Variants in ADD3 observed in about 807,000 individuals in gnomAD.
The protein encoded by ADD3 is adducin 3, also known as gamma-adducin.
In ADD3, 25 loss-of-function variants were observed where a neutral mutation model predicts 80.2. The observed-to-expected ratio is 0.31, with a 90% CI of 0.23 to 0.44. ADD3 has a LOEUF of 0.44. ADD3 is among the 20% of genes least tolerant of loss of function. The probability of loss-of-function intolerance (pLI) is 1.00; values close to 1 mark genes in which losing one functional copy is unlikely to be tolerated. For synonymous variants in ADD3, 284 were observed against 289.6 expected (o/e 0.98, Z 0.20); for missense variants, 829 against 847.5 (o/e 0.98, Z 0.27).
intron 2 of ADD3, among the ~76,000 whole-genome samples, chr10:110,103,245 A>G (rs1849038351): frequency 6.6e-6 from 1 of 152,248 alleles, no homozygotes; most frequent in Non-Finnish European, 1.5e-5. Context: ...CTACTGCTGA[A>G]TAACAAATTA....
At chr10:110,007,489 C>T (rs990822661), upstream of ADD3, among the ~76,000 whole-genome samples, 2 of 152,226 alleles carry the variant, frequency 1.3e-5, no homozygotes, top group African/African-American at 4.8e-5. Context: ...GAGTAGGGGG[C>T]TCGCTCATTT....
At chr10:110,037,761 C>T (rs1015031996) in intron 1 of ADD3, among the ~76,000 whole-genome samples, 1 of 151,836 alleles carries the variant, frequency 6.6e-6, no homozygotes, top group Non-Finnish European at 1.5e-5. Context: ...ACAGCATAAA[C>T]TCATAAGATA....
chr10:110,089,447 T>A (rs1327792182), intron 1 of ADD3, among the ~76,000 whole-genome samples: 1 of 152,138 alleles, frequency 6.6e-6, no homozygotes, highest in Non-Finnish European at 1.5e-5. Context: ...TCTGTCAGCT[T>A]TCTCTAAGGA....
chr10:110,065,928 T>C (rs1208063358), intron 1 of ADD3, among the ~76,000 whole-genome samples: 2 of 152,140 alleles, frequency 1.3e-5, no homozygotes, highest in Non-Finnish European at 2.9e-5. Context: ...TTTAGTTTAC[T>C]CTCTTGGGTC....
At chr10:110,062,887 TTAGGACAAGATTGGA>T (rs1400452859) in intron 1 of ADD3, among the ~76,000 whole-genome samples, 21 of 152,178 alleles carry the variant, frequency 1.4e-4, no homozygotes, top group Non-Finnish European at 2.6e-4. Context: ...GAAAATTCTC[TTAGGACAAGATTGGA>T]TAGGGCAAGA....
chr10:110,071,802 C>T (rs1237783962), intron 1 of ADD3, among the ~76,000 whole-genome samples: 1 of 152,146 alleles, frequency 6.6e-6, no homozygotes, highest in Non-Finnish European at 1.5e-5. Context: ...GGGATCATGC[C>T]TAATCTTTAG....
chr10:110,119,289 C>A lies in ADD3; in HGVS notation c.796C>A (p.Gln266Lys). 6.2e-7 allele frequency: 1 copy of A among 1,614,046 alleles called. No individual in the cohort carries two copies. The highest frequency in any genetic ancestry group is 1.1e-5 in the South Asian group (1 of 91,078). The stretch of plus-strand genomic sequence containing the variant: ...GGGAGATGTTGCCTATTATGACTAC[C>A]AAGGGTCACTTGAAGAACAGGAGGA... ...LLGDVAYYDYQGSLEEQEERI... is the reference protein window; with the variant it reads ...LLGDVAYYDYKGSLEEQEERI... Residue 266 changes from glutamine to lysine, a missense_variant, in exon 7 of 15, where the codon CAA (glutamine) becomes AAA (lysine). Physicochemically the swap from Gln to Lys is moderately conservative, Grantham distance 53 (BLOSUM62 1). Coordinates refer to ENST00000356080, the MANE Select transcript of ADD3 (RefSeq NM_016824.5).
At chr10:110,035,019 G>A (rs1209912054) in intron 1 of ADD3, among the ~76,000 whole-genome samples, 5 of 152,136 alleles carry the variant, frequency 3.3e-5, no homozygotes, top group Non-Finnish European at 5.9e-5. Flanking sequence ...CAAATCATGA[G>A]ACAATTTTTT....
rs572948717 is a variant in ADD3 at position 110,036,466 on chromosome 10, G to A, written c.-30+28167G>A. Among the ~76,000 whole-genome samples the A allele has an allele frequency of 2.0e-4, 27 of 136,222 alleles. 1 individual carries two copies. Among genetic ancestry groups the A allele is most frequent in the South Asian group, 1.6e-3 (6 of 3,742 alleles). The allele number at this position is 136,222 out of a possible 152,430, so 89.4% of individuals were successfully genotyped here. On this transcript the variant is annotated intron_variant, in intron 1 of 14. Coordinates refer to ENST00000356080, the MANE Select transcript of ADD3 (RefSeq NM_016824.5). ...GTGGTCTCAGCTCACTGCAAGCCCC[G>A]CTTCCCAGGTTCATGCCATTCTCCT...
At chr10:110,077,933 G>A (rs1267062334) in intron 1 of ADD3, among the ~76,000 whole-genome samples, 1 of 152,126 alleles carries the variant, frequency 6.6e-6, no homozygotes, top group Admixed American at 6.5e-5. Context: ...ATACTCTCTG[G>A]TGTGTGGTCA....
At chr10:110,040,179 ATTAT>A (rs1287442448) in intron 1 of ADD3, among the ~76,000 whole-genome samples, 2 of 151,096 alleles carry the variant, frequency 1.3e-5, no homozygotes, top group African/African-American at 4.9e-5. Context: ...GAAAGTTATT[ATTAT>A]TTTTTTTTTT....
rs563218841 is a variant in ADD3 at position 110,133,455 on chromosome 10, C to T, written c.1958C>T (p.Thr653Ile). The stretch of plus-strand genomic sequence containing the variant: ...CGAGTGAGTAGGTTAAGCACAAGTA[C>T]AACCATAGAAAACATCGAGATTACT... The part of the protein sequence containing the change: ...AKRVSRLSTS[T>I]TIENIEITIK... Residue 653 changes from threonine (T) to isoleucine (I), a missense_variant, in exon 15 of 15, where the codon ACA (threonine) becomes ATA (isoleucine). Coordinates refer to ENST00000356080, the MANE Select transcript of ADD3 (RefSeq NM_016824.5). The T allele has an allele frequency of 1.9e-6, 3 of 1,613,812 alleles. 1 individual carries two copies. Among genetic ancestry groups the T allele is most frequent in the African/African-American group, 2.7e-5 (2 of 75,018 alleles).
chr10:110,113,058 C>T (rs1302201315), intron 3 of ADD3, 143 bp downstream of exon 3: 1 of 826,298 alleles, frequency 1.2e-6, no homozygotes, highest in Non-Finnish European at 1.9e-6. Flanking sequence ...GTTAGACCCT[C>T]CTACCTTTTC....
chr10:110,012,736 C>G (rs1349020057), intron 1 of ADD3, among the ~76,000 whole-genome samples: 1 of 151,362 alleles, frequency 6.6e-6, no homozygotes, highest in Non-Finnish European at 1.5e-5. Flanking sequence ...GATGTATAGG[C>G]CTTGGCATAT....
chr10:110,079,455 A>G (rs893617849), intron 1 of ADD3, among the ~76,000 whole-genome samples: 1 of 125,488 alleles, frequency 8.0e-6, no homozygotes. Flanking sequence ...AGAGAGAGAG[A>G]GAGAGAGTGT....
chr10:110,114,499 G>GC (rs1850444509), intron 3 of ADD3, among the ~76,000 whole-genome samples: 2 of 152,162 alleles, frequency 1.3e-5, no homozygotes, highest in Non-Finnish European at 2.9e-5. Context: ...GAGGCTTATT[G>GC]CAGGGATCCA....
rs186392122 is a variant in ADD3 at position 110,097,714 on chromosome 10, C to T, written c.-29-2911C>T. On this transcript the variant is annotated intron_variant, in intron 1 of 14. Transcript: ENST00000356080. The stretch of plus-strand genomic sequence containing the variant: ...TACATGTTGCATTTAATTGTCACGT[C>T]TTAGTCTCCTTTGTCTTCTTTAATC... Among the ~76,000 whole-genome samples, 265 of 151,740 alleles carry T rather than the reference C, an allele frequency of 1.7e-3. 1 individual carries two copies. Among genetic ancestry groups the T allele is most frequent in the Middle Eastern group, 3.4e-3 (1 of 294 alleles).
In ADD3 at chr10:110,123,997, GT is replaced by G; in HGVS notation, c.1144-19del. The G allele has an allele frequency of 6.2e-7, 1 of 1,608,056 alleles. No individual in the cohort carries two copies. The highest frequency in any genetic ancestry group is 8.5e-7 in the Non-Finnish European group (1 of 1,175,536). ...TTGATACAGGTTTGATGCTTCAAAT[GT>G]GGCTTTTCCCTCCCTTAGGGGTATA... is the stretch of plus-strand genomic sequence containing the variant. On this transcript the variant is annotated intron_variant, in intron 9 of 14. Transcript: ENST00000356080.
At chr10:110,002,227 G>A (rs1328123693), upstream of ADD3, among the ~76,000 whole-genome samples, 7 of 152,114 alleles carry the variant, frequency 4.6e-5, no homozygotes, top group Non-Finnish European at 1.0e-4. Flanking sequence ...AGGAGGTGGA[G>A]GTCACAGTAA....
Sources: gnomAD v4.1 joint callset for allele counts (sites outside exome capture counted in the v4.1 genomes callset) on GRCh38, gnomAD v4.1.1 for gene constraint, MANE v1.5 for transcripts, NCBI Gene and HGNC (gene_info 2026-07-23, HGNC 2026-07-21) for gene names.